The following ATF7IP variants were observed in gnomAD, a reference collection of about 807,000 sequenced individuals.
The protein encoded by ATF7IP is activating transcription factor 7-interacting protein 1.
A neutral mutation model predicts 106.4 loss-of-function variants in ATF7IP; 23 were observed. The ratio of observed to expected loss-of-function variants is 0.22; its 90% CI spans 0.16 to 0.31. The LOEUF is 0.31. ATF7IP is among the 10% of genes least tolerant of loss of function. ATF7IP has a pLI of 1.00. For missense variants in ATF7IP, 1,334 were observed against 1,524.3 expected (o/e 0.88, Z 2.08); for synonymous variants, 542 against 539.0 (o/e 1.01, Z -0.08).
chr12:14,380,203 C>T (rs889833663), intron 1 of ATF7IP, among the ~76,000 whole-genome samples: 3 of 152,122 alleles, frequency 2.0e-5, no homozygotes, highest in African/African-American at 7.2e-5. Context: ...AACATTTTGT[C>T]TGCATATATT....
intron 1 of ATF7IP, among the ~76,000 whole-genome samples, chr12:14,386,069 T>A (rs1459502391): frequency 2.0e-5 from 3 of 152,160 alleles, no homozygotes; most frequent in Admixed American, 6.5e-5. Flanking sequence ...CATCTAGTCA[T>A]GGATACCTCT....
chr12:14,496,342 C>T lies in ATF7IP; in HGVS notation c.3392C>T (p.Thr1131Ile). Residue 1131 changes from threonine (T) to isoleucine (I), a missense_variant and splice_region_variant, in exon 14 of 15, where the codon ACT becomes ATT. Physicochemically the swap from Thr to Ile is moderately conservative, Grantham distance 89. Transcript: ENST00000261168. Reference sequence around the variant, plus strand: ...CATCACCGACCACCACAAGTGCATACTGTAAGTGTTGATGCTTGGTTTTGC... The same window carrying T: ...CATCACCGACCACCACAAGTGCATATTGTAAGTGTTGATGCTTGGTTTTGC... Reference protein sequence around the residue: ...TVHHRPPQVHTEPPRPVHPAP... With the variant: ...TVHHRPPQVHIEPPRPVHPAP... 6.2e-7 allele frequency: 1 copy of T among 1,608,084 alleles called. No homozygotes were observed. Among genetic ancestry groups the T allele is most frequent in the Non-Finnish European group, 8.5e-7 (1 of 1,175,014 alleles).
Position 14,499,471 on chromosome 12 carries a change from T to TA in ATF7IP, c.*1400dup, listed in dbSNP as rs1945105502. The TA allele has an allele frequency of 6.6e-6, 1 of 152,334 alleles. No homozygotes were observed. The highest frequency in any genetic ancestry group is 2.4e-5 in the African/African-American group (1 of 41,570). The allele number at this position is 152,334 out of a possible 1,614,324, so 9.4% of individuals were successfully genotyped here. On this transcript the variant is annotated 3_prime_UTR_variant, in exon 15 of 15. Coordinates refer to ENST00000261168, the MANE Select transcript of ATF7IP (RefSeq NM_018179.5). ...ATCACCCAAAGCTATCACCCAACAC[T>TA]AACTCCTTAGTATTCTTTCAAAGGA...
At chr12:14,366,097 T>A (rs1938280143) in intron 1 of ATF7IP, among the ~76,000 whole-genome samples, 1 of 152,244 alleles carries the variant, frequency 6.6e-6, no homozygotes, top group Non-Finnish European at 1.5e-5. Flanking sequence ...GGTTCTAGAT[T>A]TAATTTTCCT....
chr12:14,373,671 G>T (rs553474927), intron 1 of ATF7IP, among the ~76,000 whole-genome samples: 2 of 152,162 alleles, frequency 1.3e-5, no homozygotes, highest in African/African-American at 4.8e-5. Context: ...ATAAGGAATT[G>T]GGAGAAGTGG....
In ATF7IP at chr12:14,424,158, T is replaced by A. The variant is rs1184384970; in HGVS notation, c.243T>A (p.Pro81=). Residue 81 remains proline (P), a synonymous_variant, in exon 2 of 15, where the codon CCT becomes CCA. Coordinates refer to ENST00000261168, the MANE Select transcript of ATF7IP (RefSeq NM_018179.5). Reference sequence around the variant, plus strand: ...GCATTGAAGAGATTTGTTTTGATCCTGAAGGAAGTAAAGCAGAATGGAAGG... The same window carrying A: ...GCATTGAAGAGATTTGTTTTGATCCAGAAGGAAGTAAAGCAGAATGGAAGG... ...VNGIEEICFD[P]EGSKAEWKET... 1.2e-6 allele frequency: 2 copies of A among 1,614,064 alleles called. No homozygotes were observed. Among genetic ancestry groups the A allele is most frequent in the African/African-American group, 2.7e-5 (2 of 74,928 alleles).
intron 2 of ATF7IP, among the ~76,000 whole-genome samples, chr12:14,433,712 T>C (rs1942260313): frequency 6.6e-6 from 1 of 152,110 alleles, no homozygotes; most frequent in African/African-American, 2.4e-5. Flanking sequence ...CTGAATGTTT[T>C]CCTCATCTAT....
At chr12:14,388,378 ACT>A (rs1345351352) in intron 1 of ATF7IP, among the ~76,000 whole-genome samples, 1 of 134,942 alleles carries the variant, frequency 7.4e-6, no homozygotes, top group African/African-American at 2.9e-5. Context: ...ACGGAGTCTC[ACT>A]CTGTCGCTGA....
chr12:14,426,402 T>C (rs189690247), intron 2 of ATF7IP, among the ~76,000 whole-genome samples: 2 of 151,746 alleles, frequency 1.3e-5, no homozygotes, highest in Admixed American at 1.3e-4. Context: ...CTTGCTAGCA[T>C]AAAACACCAT....
At position 14,496,962 on chromosome 12, in the gene ATF7IP, A is replaced by G. The variant is rs577574916; in HGVS notation, c.3393+619A>G. Among the ~76,000 whole-genome samples the G allele has an allele frequency of 5.3e-5, 8 of 152,252 alleles. No individual in the cohort carries two copies. In the East Asian group the frequency reaches 1.4e-3, roughly 26 times the overall value. On this transcript the variant is annotated intron_variant, in intron 14 of 14. Coordinates refer to ENST00000261168, the MANE Select transcript of ATF7IP (RefSeq NM_018179.5). ...TTTTTTCATCATCTGGCCTTAACCTACCTTTCCAGATTTTTCTTCATGTAC... is the reference window on the plus strand; with the variant it reads ...TTTTTTCATCATCTGGCCTTAACCTGCCTTTCCAGATTTTTCTTCATGTAC...
chr12:14,417,294 G>T (rs1451181608), intron 1 of ATF7IP, among the ~76,000 whole-genome samples: 1 of 152,110 alleles, frequency 6.6e-6, no homozygotes, highest in East Asian at 1.9e-4. Context: ...AATATAGGTT[G>T]TCCAGAATCA....
chr12:14,414,499 G>A (rs1433101219), intron 1 of ATF7IP, among the ~76,000 whole-genome samples: 11 of 152,170 alleles, frequency 7.2e-5, no homozygotes, highest in Non-Finnish European at 1.0e-4. Flanking sequence ...TATCGTTAAC[G>A]TATTTTATGT....
chr12:14,489,827 G>A (rs1944750113), intron 13 of ATF7IP, among the ~76,000 whole-genome samples: 2 of 152,216 alleles, frequency 1.3e-5, no homozygotes, highest in South Asian at 2.1e-4. Flanking sequence ...TCAATGTTGT[G>A]TGGAATACCA....
chr12:14,391,322 G>A (rs981151608), intron 1 of ATF7IP, among the ~76,000 whole-genome samples: 19 of 152,190 alleles, frequency 1.2e-4, no homozygotes, highest in Non-Finnish European at 7.3e-5. Flanking sequence ...CTGCCTGAGG[G>A]AATCTTGTCT....
chr12:14,477,487 C>T (rs954371174), intron 11 of ATF7IP, among the ~76,000 whole-genome samples: 2 of 152,122 alleles, frequency 1.3e-5, no homozygotes, highest in Non-Finnish European at 2.9e-5. Flanking sequence ...TTTGAGAGGA[C>T]ACAGGTAGGC....
Position 14,414,314 on chromosome 12 carries a change from A to G in ATF7IP, c.-7-9595A>G, listed in dbSNP as rs1941080616. Among the ~76,000 whole-genome samples, 4 of 152,246 alleles carry G rather than the reference A, an allele frequency of 2.6e-5. No homozygotes were observed. In the South Asian group the frequency reaches 8.3e-4, roughly 32 times the overall value. ...TTAGTGACTTAATTTGGTTTTAGCC[A>G]ATGGAATGTGAATGAAAGTAATGTA... On this transcript the variant is annotated intron_variant, in intron 1 of 14. Coordinates refer to ENST00000261168, the MANE Select transcript of ATF7IP (RefSeq NM_018179.5).
At chr12:14,465,315 T>A (rs1943788034) in intron 9 of ATF7IP, among the ~76,000 whole-genome samples, 2 of 152,100 alleles carry the variant, frequency 1.3e-5, no homozygotes, top group Admixed American at 1.3e-4. Context: ...TTATTTTGAT[T>A]TGAAGATGGA....
At chr12:14,383,834 T>A (rs935371053) in intron 1 of ATF7IP, among the ~76,000 whole-genome samples, 5 of 152,178 alleles carry the variant, frequency 3.3e-5, no homozygotes, top group African/African-American at 1.2e-4. Context: ...AGTGTTGGGA[T>A]TATAGGTGTG....
intron 2 of ATF7IP, among the ~76,000 whole-genome samples, chr12:14,432,151 T>A (rs1020726621): frequency 6.6e-6 from 1 of 152,176 alleles, no homozygotes; most frequent in Non-Finnish European, 1.5e-5. Context: ...GCCAGTTTAT[T>A]CTGCTGTGTT....
Sources: allele counts gnomAD v4.1 joint callset (sites outside exome capture counted in the v4.1 genomes callset), GRCh38; gene constraint gnomAD v4.1.1; transcripts MANE v1.5; gene names NCBI Gene and HGNC (gene_info 2026-07-23, HGNC 2026-07-21).